The following CRBN variants were observed in gnomAD, a reference collection of about 807,000 sequenced individuals.
CRBN encodes protein cereblon.
In CRBN, 53 loss-of-function variants were observed where a neutral mutation model predicts 62.2. The observed-to-expected ratio is 0.85, with a 90% CI of 0.68 to 1.07. The LOEUF is 1.07. CRBN is among the 50% of genes least tolerant of loss of function. The probability of loss-of-function intolerance (pLI) is 0.00; values close to 1 mark genes in which losing one functional copy is unlikely to be tolerated. For synonymous variants in CRBN, 208 were observed against 176.1 expected, an observed-to-expected ratio of 1.18 and a Z score of -1.43; for missense variants, 616 against 531.1, an observed-to-expected ratio of 1.16 and a Z score of -1.57.
In CRBN at chr3:3,151,135, G is replaced by A. The variant is rs1706513175; in HGVS notation, c.1149-90C>T. The A allele has an allele frequency of 9.6e-6, 13 of 1,348,618 alleles. No homozygotes were observed. The Admixed American group carries it at 1.9e-4, about 20-fold the overall frequency. The allele number at this position is 1,348,618 out of a possible 1,614,324, so 83.5% of individuals were successfully genotyped here. The stretch of plus-strand genomic sequence containing the variant: ...CCTATCATGAAGACAGACTTTAGAG[G>A]CAAATTCTAAGGATTAGAGATTCTA... On this transcript the variant is annotated intron_variant, in intron 10 of 10. Coordinates refer to ENST00000231948, the MANE Select transcript of CRBN (RefSeq NM_016302.4).
intron 5 of CRBN, among the ~76,000 whole-genome samples, chr3:3,159,873 T>C (rs1271708955): frequency 1.3e-5 from 2 of 152,210 alleles, no homozygotes; most frequent in African/African-American, 4.8e-5. Context: ...TCCTGTCTTA[T>C]ATCTGGGTAA....
intron 4 of CRBN, among the ~76,000 whole-genome samples, chr3:3,170,478 T>A (rs558682169): frequency 6.6e-6 from 1 of 152,292 alleles, no homozygotes; most frequent in Admixed American, 6.5e-5. Context: ...GGAGTACCAG[T>A]TTGGAAGTCA....
chr3:3,165,760 G>A (rs182025838), intron 5 of CRBN, among the ~76,000 whole-genome samples: 4 of 151,960 alleles, frequency 2.6e-5, no homozygotes, highest in Admixed American at 6.6e-5. Flanking sequence ...CAATATCTCC[G>A]TGGTATGCCT....
chr3:3,155,597 A>G (rs1332268337), intron 6 of CRBN: 1 of 153,066 alleles, frequency 6.5e-6, no homozygotes, highest in Non-Finnish European at 1.5e-5. Flanking sequence ...GTTTTGCAAA[A>G]TGTGGCAATG....
rs1239194648 is a variant in CRBN at position 3,165,724 on chromosome 3, ATTGC to A, written c.687+1906_687+1909del. On this transcript the variant is annotated intron_variant, in intron 5 of 10. Coordinates refer to ENST00000231948, the MANE Select transcript of CRBN (RefSeq NM_016302.4). ...CTAACTTTATTGTGATACTTGTTTT[ATTGC>A]AGCAGTTTGAAACTGAACCTGCAAT... 3.3e-5 allele frequency among the ~76,000 whole-genome samples: 5 copies of A among 152,144 alleles called. No individual in the cohort carries two copies. The South Asian group carries it at 1.0e-3, about 32-fold the overall frequency.
At chr3:3,151,195 T>G in intron 10 of CRBN, 150 bp from the exon 11 acceptor site, 1 of 799,508 alleles carries the variant, frequency 1.3e-6, no homozygotes, top group Non-Finnish European at 2.0e-6. Context: ...CCCTGAAACC[T>G]AAAAACATTT....
In CRBN at chr3:3,155,883, G is replaced by A. The variant is rs990381356; in HGVS notation, c.750+336C>T. ...GTACAGTGACACAATCTCAGCTCAC[G>A]GCAGCCTTGACCTCCCAGGCTCAAT... On this transcript the variant is annotated intron_variant, in intron 6 of 10. Transcript: ENST00000231948. 1.1e-4 allele frequency: 30 copies of A among 264,062 alleles called. 1 individual carries two copies. The highest frequency in any genetic ancestry group is 3.5e-4 in the South Asian group (7 of 19,976). The allele number at this position is 264,062 out of a possible 1,614,324, so 16.4% of individuals were successfully genotyped here.
chr3:3,171,644 C>G (rs1707619678), intron 4 of CRBN, among the ~76,000 whole-genome samples: 4 of 152,114 alleles, frequency 2.6e-5, no homozygotes, highest in Admixed American at 2.6e-4. Flanking sequence ...CCTCTATGCT[C>G]TCTTTAGCTC....
chr3:3,175,561 A>T (rs1707798079), intron 1 of CRBN, among the ~76,000 whole-genome samples: 1 of 152,164 alleles, frequency 6.6e-6, no homozygotes, highest in South Asian at 2.1e-4. Context: ...TAGTTAATTT[A>T]TATTAGTATG....
chr3:3,162,760 G>A (rs568800082), intron 5 of CRBN, among the ~76,000 whole-genome samples: 2 of 152,284 alleles, frequency 1.3e-5, no homozygotes, highest in East Asian at 3.9e-4. Context: ...GCTTAGTTAT[G>A]TAAGCATCTC....
chr3:3,152,678 T>G, intron 9 of CRBN, 91 bp from the exon 10 acceptor site: 1 of 1,456,186 alleles, frequency 6.9e-7, no homozygotes, highest in Non-Finnish European at 9.5e-7. Flanking sequence ...CACCAAGAAA[T>G]GAGGTATGAG....
At chr3:3,153,066 A>G in intron 9 of CRBN, 1 of 307,074 alleles carries the variant, frequency 3.3e-6, no homozygotes, top group South Asian at 3.5e-5. Context: ...AGCATGTCCT[A>G]CTTTGGCCCT....
In CRBN at chr3:3,172,861, G is replaced by T; in HGVS notation, c.442C>A (p.Gln148Lys). The change falls in exon 4 of 11, where the codon CAG (glutamine) becomes AAG (lysine). Residue 148 changes from glutamine to lysine, a missense_variant. Coordinates refer to ENST00000231948, the MANE Select transcript of CRBN (RefSeq NM_016302.4). ...TAEIYAYREE[Q>K]DFGIEIVKVK... ...TTCACTATCTCAATTCCAAAATCCTGTTCTTCTCGATAGGCATATATCTCT... is the reference window on the plus strand; with the variant it reads ...TTCACTATCTCAATTCCAAAATCCTTTTCTTCTCGATAGGCATATATCTCT... 1 of 1,613,452 alleles carries T rather than the reference G, an allele frequency of 6.2e-7. No individual in the cohort carries two copies. Among genetic ancestry groups the T allele is most frequent in the South Asian group, 1.1e-5 (1 of 91,072 alleles).
intron 5 of CRBN, among the ~76,000 whole-genome samples, chr3:3,157,434 T>A (rs187776082): frequency 6.6e-6 from 1 of 152,114 alleles, no homozygotes; most frequent in African/African-American, 2.4e-5. Context: ...AGGAATAAGG[T>A]AGATCAAAAG....
Position 3,174,299 on chromosome 3 carries a change from A to T in CRBN, c.175-38T>A, listed in dbSNP as rs779255140. The stretch of plus-strand genomic sequence containing the variant: ...ATATATAGGTATAGTGTCATGATCG[A>T]TATGTAATAAAAATGTAAGCTCAAC... On this transcript the variant is annotated intron_variant, in intron 2 of 10. Coordinates refer to ENST00000231948, the MANE Select transcript of CRBN (RefSeq NM_016302.4). 4.1e-6 allele frequency: 6 copies of T among 1,470,368 alleles called. No individual in the cohort carries two copies. In the South Asian group the frequency reaches 5.7e-5, roughly 14 times the overall value. The allele number at this position is 1,470,368 out of a possible 1,614,324, so 91.1% of individuals were successfully genotyped here.
At chr3:3,176,441 A>G (rs565810554) in intron 1 of CRBN, among the ~76,000 whole-genome samples, 1 of 152,348 alleles carries the variant, frequency 6.6e-6, no homozygotes, top group Non-Finnish European at 1.5e-5. Flanking sequence ...TCGCTACATT[A>G]TCTTAAAATG....
rs960369381 is a variant in CRBN, at chr3:3,158,565, A to G, written c.688-2284T>C. Among the ~76,000 whole-genome samples the G allele has an allele frequency of 2.0e-5, 3 of 152,244 alleles. No individual in the cohort carries two copies. The South Asian group carries it at 6.2e-4, about 31-fold the overall frequency. The stretch of plus-strand genomic sequence containing the variant: ...GTCCAGTTACAGAATTTAAGAAAAT[A>G]CTACCAAGAGCACATCAAGTAGCTC... On this transcript the variant is annotated intron_variant, in intron 5 of 10. Coordinates refer to ENST00000231948, the MANE Select transcript of CRBN (RefSeq NM_016302.4).
intron 5 of CRBN, among the ~76,000 whole-genome samples, chr3:3,166,754 G>C (rs1020183029): frequency 8.6e-5 from 13 of 152,014 alleles, no homozygotes; most frequent in Admixed American, 3.3e-4. Flanking sequence ...GAATTCTACT[G>C]CAAGAACAAT....
At chr3:3,178,869 T>G (rs1026121391) in intron 1 of CRBN, among the ~76,000 whole-genome samples, 5 of 152,152 alleles carry the variant, frequency 3.3e-5, no homozygotes, top group Admixed American at 3.3e-4. Context: ...CATGAAAAGT[T>G]TATGCAATAT....
Sources: allele counts gnomAD v4.1 joint callset (sites outside exome capture counted in the v4.1 genomes callset), GRCh38; gene constraint gnomAD v4.1.1; transcripts MANE v1.5; gene names NCBI Gene and HGNC (gene_info 2026-07-23, HGNC 2026-07-21).